Variants in EYA1 observed in about 807,000 individuals in gnomAD.
EYA1 encodes EYA transcriptional coactivator and phosphatase 1.
Under a neutral mutation model 82.0 loss-of-function variants are expected in EYA1, and 16 were observed. That is an observed-to-expected ratio of 0.20 (90% CI 0.13 to 0.30). The LOEUF is 0.30. Among genes scored for constraint, EYA1 ranks in the 10% least tolerant of loss-of-function variants. The pLI, the probability that EYA1 is intolerant of heterozygous loss-of-function variation, is 1.00. For missense variants in EYA1, 633 were observed against 730.7 expected, an observed-to-expected ratio of 0.87 and a Z score of 1.54; for synonymous variants, 261 against 264.4, an observed-to-expected ratio of 0.99 and a Z score of 0.12.
intron 9 of EYA1, among the ~76,000 whole-genome samples, chr8:71,289,958 G>A (rs1355709636): frequency 6.6e-6 from 1 of 152,102 alleles, no homozygotes; most frequent in Admixed American, 6.6e-5. Context: ...AGAGAGGCGG[G>A]GGACAGTTGT....
chr8:71,416,165 C>T (rs1304353307), intron 2 of EYA1, among the ~76,000 whole-genome samples: 1 of 152,188 alleles, frequency 6.6e-6, no homozygotes, highest in African/African-American at 2.4e-5. Flanking sequence ...GGAGTGAGCA[C>T]TAGGGGCATT....
chr8:71,425,551 T>A (rs987850849), intron 2 of EYA1, among the ~76,000 whole-genome samples: 1 of 152,144 alleles, frequency 6.6e-6, no homozygotes, highest in Non-Finnish European at 1.5e-5. Context: ...GAAAAGTACC[T>A]TCTGCACACA....
At chr8:71,517,791 A>G (rs1355634087) in intron 2 of EYA1, among the ~76,000 whole-genome samples, 1 of 150,180 alleles carries the variant, frequency 6.7e-6, no homozygotes, top group African/African-American at 2.4e-5. Flanking sequence ...CAAAAATTAA[A>G]TTATCAATAT....
intron 7 of EYA1, among the ~76,000 whole-genome samples, chr8:71,309,114 T>C (rs1263929233): frequency 6.6e-6 from 1 of 152,206 alleles, no homozygotes; most frequent in African/African-American, 2.4e-5. Context: ...GTCCCAGTAA[T>C]AGTTTTTATT....
intron 4 of EYA1, among the ~76,000 whole-genome samples, chr8:71,330,285 C>T (rs1823679006): frequency 6.6e-6 from 1 of 152,156 alleles, no homozygotes. Flanking sequence ...TGCATCTTCC[C>T]CAATGTTTCA....
rs528381166 is a variant in EYA1 at position 71,452,636 on chromosome 8, G to A, written c.33+83108C>T. Reference sequence around the variant, plus strand: ...CAATATTCGCTGTTCTGCAGCCTCCGCTGCTGATACCCAGGCAAACAGGGT... The same window carrying A: ...CAATATTCGCTGTTCTGCAGCCTCCACTGCTGATACCCAGGCAAACAGGGT... On this transcript the variant is annotated intron_variant, in intron 2 of 18. Transcript: ENST00000643681. Among the ~76,000 whole-genome samples, 7 of 152,302 alleles carry A rather than the reference G, an allele frequency of 4.6e-5. No individual in the cohort carries two copies. The East Asian group carries it at 9.7e-4, about 21-fold the overall frequency.
chr8:71,297,189 T>A (rs1819687581), intron 9 of EYA1, among the ~76,000 whole-genome samples: 1 of 152,180 alleles, frequency 6.6e-6, no homozygotes, highest in Non-Finnish European at 1.5e-5. Context: ...AAATACATCA[T>A]TCACTCTTAA....
chr8:71,215,860 T>C, intron 14 of EYA1, 132 bp from the exon 15 acceptor site: 1 of 717,988 alleles, frequency 1.4e-6, no homozygotes, highest in Admixed American at 2.0e-5. Flanking sequence ...ATCTTTCACA[T>C]AGTACCATTC....
At chr8:71,547,380 G>C (rs1586927325) in intron 1 of EYA1, 1 of 152,390 alleles carries the variant, frequency 6.6e-6, no homozygotes, top group East Asian at 1.9e-4. Flanking sequence ...AAAACAAACC[G>C]GCCCTTGACA....
chr8:71,407,794 C>T (rs1348823002), intron 2 of EYA1, among the ~76,000 whole-genome samples: 3 of 144,536 alleles, frequency 2.1e-5, no homozygotes, highest in Non-Finnish European at 4.6e-5. Flanking sequence ...TTGGAAAACA[C>T]TCTGCAGGAT....
upstream of EYA1, among the ~76,000 whole-genome samples, chr8:71,366,727 A>C (rs181780140): frequency 1.3e-5 from 2 of 152,266 alleles, no homozygotes; most frequent in African/African-American, 2.4e-5. Context: ...TGATTTTTTT[A>C]AATATGAGTG....
rs143238228 is a variant in EYA1, at chr8:71,530,649, A to G, written c.33+5095T>C. 5.3e-3 allele frequency among the ~76,000 whole-genome samples: 812 copies of G among 152,338 alleles called. 5 individuals carry two copies. Among genetic ancestry groups the G allele is most frequent in the African/African-American group, 0.018 (764 of 41,592 alleles). ...GTATTATACTTGTATAACTACTTTT[A>G]GTAACTTCTGCTAAAGAGTGGGTTT... is the stretch of plus-strand genomic sequence containing the variant. On this transcript the variant is annotated intron_variant, in intron 2 of 18. Transcript: ENST00000643681.
intron 2 of EYA1, among the ~76,000 whole-genome samples, chr8:71,411,877 G>T (rs1830609527): frequency 1.3e-5 from 2 of 149,258 alleles, no homozygotes; most frequent in South Asian, 4.3e-4. Context: ...TCCCATTACT[G>T]GGTATATACC....
intron 4 of EYA1, among the ~76,000 whole-genome samples, chr8:71,324,187 T>C (rs1328571169): frequency 6.6e-6 from 1 of 152,176 alleles, no homozygotes; most frequent in African/African-American, 2.4e-5. Context: ...TTTTTCTTTC[T>C]TTTTAACAAA....
chr8:71,365,877 C>T (rs913611974), upstream of EYA1, among the ~76,000 whole-genome samples: 2 of 152,180 alleles, frequency 1.3e-5, no homozygotes, highest in African/African-American at 4.8e-5. Flanking sequence ...ATCTGCCAAA[C>T]TGAATGTCTA....
chr8:71,239,887 C>T (rs558708287), intron 12 of EYA1, among the ~76,000 whole-genome samples: 5 of 152,214 alleles, frequency 3.3e-5, no homozygotes, highest in East Asian at 1.9e-4. Flanking sequence ...ACTTCTGAAT[C>T]GGATTAAATA....
At chr8:71,418,925 G>C (rs925205060) in intron 2 of EYA1, among the ~76,000 whole-genome samples, 1 of 152,148 alleles carries the variant, frequency 6.6e-6, no homozygotes, top group African/African-American at 2.4e-5. Flanking sequence ...AGAGATATCT[G>C]GGGGAGAGCA....
At chr8:71,230,009 C>G (rs951164436) in intron 12 of EYA1, among the ~76,000 whole-genome samples, 6 of 152,132 alleles carry the variant, frequency 3.9e-5, no homozygotes, top group Non-Finnish European at 8.8e-5. Context: ...ATTTAGAAAG[C>G]CTTTCTTTAG....
At chr8:71,477,114 T>C (rs1254782167) in intron 2 of EYA1, among the ~76,000 whole-genome samples, 1 of 152,080 alleles carries the variant, frequency 6.6e-6, no homozygotes, top group African/African-American at 2.4e-5. Flanking sequence ...AGTAGAACTG[T>C]AAAACATACA....
Sources: gnomAD v4.1 joint callset for allele counts (sites outside exome capture counted in the v4.1 genomes callset) on GRCh38, gnomAD v4.1.1 for gene constraint, MANE v1.5 for transcripts, NCBI Gene and HGNC (gene_info 2026-07-23, HGNC 2026-07-21) for gene names.